The following PTBP3 variants were observed in gnomAD, a reference collection of about 807,000 sequenced individuals.
The protein encoded by PTBP3 is polypyrimidine tract-binding protein 3.
In PTBP3, 20 loss-of-function variants were observed where a neutral mutation model predicts 58.7. The ratio of observed to expected loss-of-function variants is 0.34; its 90% confidence interval spans 0.24 to 0.50. The LOEUF is 0.50. PTBP3 is among the 20% of genes least tolerant of loss of function. The pLI is 0.98. For missense variants in PTBP3, 509 were observed against 637.2 expected, an observed-to-expected ratio of 0.80 and a Z score of 2.17; for synonymous variants, 185 against 219.8, an observed-to-expected ratio of 0.84 and a Z score of 1.40.
At chr9:112,288,523 C>T (rs190825122) in intron 2 of PTBP3, among the ~76,000 whole-genome samples, 70 of 152,176 alleles carry the variant, frequency 4.6e-4, no homozygotes, top group Non-Finnish European at 9.4e-4. Context: ...CCCCAACCCC[C>T]ACAGTCTAGA....
intron 8 of PTBP3, 40 bp downstream of exon 8, chr9:112,234,780 T>G: frequency 3.2e-6 from 5 of 1,543,532 alleles, no homozygotes; most frequent in Non-Finnish European, 4.5e-6. Context: ...AATATACAAC[T>G]TCATTAAAAG....
chr9:112,289,510 G>A (rs182664439), intron 2 of PTBP3, among the ~76,000 whole-genome samples: 39 of 152,284 alleles, frequency 2.6e-4, no homozygotes, highest in African/African-American at 7.7e-4. Flanking sequence ...GCCAGGCGCC[G>A]TGGCTCACAC....
At chr9:112,225,429 C>T (rs1254579778) in intron 12 of PTBP3, among the ~76,000 whole-genome samples, 1 of 152,136 alleles carries the variant, frequency 6.6e-6, no homozygotes, top group Non-Finnish European at 1.5e-5. Flanking sequence ...GTGGTTACTG[C>T]TTAATGGGTA....
intron 1 of PTBP3, among the ~76,000 whole-genome samples, chr9:112,302,259 G>C (rs1360191528): frequency 6.6e-6 from 1 of 152,108 alleles, no homozygotes; most frequent in Non-Finnish European, 1.5e-5. Flanking sequence ...AACAGCTCAA[G>C]GGAAAGGCAA....
At chr9:112,243,602 T>C (rs1257958947) in intron 7 of PTBP3, among the ~76,000 whole-genome samples, 1 of 152,156 alleles carries the variant, frequency 6.6e-6, no homozygotes, top group Non-Finnish European at 1.5e-5. Flanking sequence ...TATCTGTAGA[T>C]GATATGACTA....
At chr9:112,305,809 G>C (rs533179879) in intron 1 of PTBP3, among the ~76,000 whole-genome samples, 1 of 152,076 alleles carries the variant, frequency 6.6e-6, no homozygotes, top group East Asian at 1.9e-4. Flanking sequence ...GCGTGGTGAC[G>C]GACGCCTGTA....
At position 112,297,859 on chromosome 9, in the gene PTBP3, T is replaced by G. The variant is rs753242867; in HGVS notation, c.7A>C (p.Ser3Arg). Reference sequence around the variant, plus strand: ...TACACACCTGTAGAAGGAGTAGAACTATTCATGGTAAAAGGTCCGTTAATG... The same window carrying G: ...TACACACCTGTAGAAGGAGTAGAACGATTCATGGTAAAAGGTCCGTTAATG... MN[S>R]STPSTGVYAN... Residue 3 changes from serine to arginine, a missense_variant, in exon 2 of 14, where the codon AGT (serine) becomes CGT (arginine). Ser to Arg is a moderately radical substitution (Grantham distance 110). Coordinates refer to ENST00000374257, the MANE Select transcript of PTBP3 (RefSeq NM_001163788.4). The G allele has an allele frequency of 1.9e-6, 3 of 1,607,216 alleles. No individual in the cohort carries two copies. In the African/African-American group the frequency reaches 4.1e-5, roughly 22 times the overall value.
chr9:112,247,410 T>C (rs1027748123), intron 7 of PTBP3, among the ~76,000 whole-genome samples: 2 of 151,844 alleles, frequency 1.3e-5, no homozygotes, highest in Non-Finnish European at 2.9e-5. Flanking sequence ...GTTTGGATCT[T>C]TACCAGAAAA....
chr9:112,234,782 C>A, intron 8 of PTBP3, 38 bp downstream of exon 8: 1 of 1,546,138 alleles, frequency 6.5e-7, no homozygotes, highest in African/African-American at 1.4e-5. Context: ...TATACAACTT[C>A]ATTAAAAGTC....
chr9:112,281,530 T>C (rs921421563), intron 2 of PTBP3, among the ~76,000 whole-genome samples: 1 of 152,240 alleles, frequency 6.6e-6, no homozygotes, highest in African/African-American at 2.4e-5. Flanking sequence ...TATTAATCTG[T>C]AGTTTTCTTT....
At chr9:112,306,613 TG>T in intron 1 of PTBP3, among the ~76,000 whole-genome samples, 1 of 148,350 alleles carries the variant, frequency 6.7e-6, no homozygotes, top group Admixed American at 6.7e-5. Context: ...TATTTTTGTT[TG>T]TTTGTTTGTT....
Position 112,268,108 on chromosome 9 carries a change from C to G in PTBP3, c.292G>C (p.Val98Leu). The G allele has an allele frequency of 6.2e-7, 1 of 1,613,806 alleles. No individual in the cohort carries two copies. Among genetic ancestry groups the G allele is most frequent in the South Asian group, 1.1e-5 (1 of 91,064 alleles). ...PITPHLRSQP[V>L]YIQYSNHREL... ...CTGTGATTGGAATACTGAATATAAA[C>G]AGGCTGGCTTCGAAGGTGAGGAGTA... Residue 98 changes from valine to leucine, a missense_variant, in exon 4 of 14, where the codon GTT becomes CTT. This residue lies in a region of PTBP3 where 212 missense variants were observed against 215.3 expected (regional missense o/e 0.98). Coordinates refer to ENST00000374257, the MANE Select transcript of PTBP3 (RefSeq NM_001163788.4).
At chr9:112,298,015 G>A in intron 1 of PTBP3, 99 bp from the exon 2 acceptor site, 1 of 962,258 alleles carries the variant, frequency 1.0e-6, no homozygotes, top group Non-Finnish European at 1.6e-6. Context: ...CTTCATCTTT[G>A]TATGAAGACA....
chr9:112,356,263 G>A, the PTBP3 span, among the ~76,000 whole-genome samples: 1 of 152,290 alleles, frequency 6.6e-6, no homozygotes, highest in Non-Finnish European at 1.5e-5. Flanking sequence ...ACAGGTGTGA[G>A]CCACAGTACC....
At position 112,239,831 on chromosome 9, in the gene PTBP3, A is replaced by G. The variant is rs112579899; in HGVS notation, c.803-4934T>C. Among the ~76,000 whole-genome samples the G allele has an allele frequency of 5.6e-3, 221 of 39,266 alleles. 8 individuals carry two copies. Among genetic ancestry groups the G allele is most frequent in the Middle Eastern group, 0.02 (1 of 50 alleles). The allele number at this position is 39,266 out of a possible 152,430, so 25.8% of individuals were successfully genotyped here. A position where few individuals can be genotyped will look rare whatever the true frequency, so the allele number is the denominator to read the frequency against. On this transcript the variant is annotated intron_variant, in intron 7 of 13. Transcript: ENST00000374257. ...GAAGGAAGGAAGGGAGGAAGGGAGG[A>G]AGGGAGGGAGGGAGGGAGGGAGGGA...
chr9:112,347,144 A>ATC, the PTBP3 span, among the ~76,000 whole-genome samples: 7 of 152,218 alleles, frequency 4.6e-5, no homozygotes, highest in African/African-American at 1.7e-4. Context: ...TGCTATATAT[A>ATC]AATAACCTAA....
downstream of PTBP3, chr9:112,217,800 T>C (rs1564377295): frequency 6.6e-6 from 1 of 152,266 alleles, no homozygotes; most frequent in African/African-American, 2.4e-5. Flanking sequence ...GATTACCTAA[T>C]TTTCTATTCC....
intron 5 of PTBP3, 113 bp from the exon 6 acceptor site, chr9:112,252,901 C>T (rs1034319259): frequency 3.0e-6 from 2 of 668,384 alleles, no homozygotes; most frequent in Non-Finnish European, 5.0e-6. Context: ...CTCTTGAAAA[C>T]TTTGGTACCA....
chr9:112,255,654 T>C (rs1836316959), intron 5 of PTBP3, among the ~76,000 whole-genome samples: 1 of 152,154 alleles, frequency 6.6e-6, no homozygotes, highest in South Asian at 2.1e-4. Flanking sequence ...TCATATAACA[T>C]AACACTCTTG....
Sources: gnomAD v4.1 joint callset for allele counts (sites outside exome capture counted in the v4.1 genomes callset) on GRCh38, gnomAD v4.1.1 for gene constraint, gnomAD v4.1.1 regional missense constraint, MANE v1.5 for transcripts, NCBI Gene and HGNC (gene_info 2026-07-23, HGNC 2026-07-21) for gene names.